EYS: variants seen among roughly 807,000 people sequenced by gnomAD.
EYS encodes EGF-like photoreceptor maintenance factor, also known as protein eyes shut homolog.
A neutral mutation model predicts 282.1 loss-of-function variants in EYS; 250 were observed. That is an observed-to-expected ratio of 0.89 (90% confidence interval 0.80 to 0.98). The LOEUF (loss-of-function observed/expected upper bound fraction) is 0.98. EYS is among the 50% of genes least tolerant of loss of function. The pLI is 0.00. For missense variants in EYS, 4,016 were observed against 3,709.0 expected, an observed-to-expected ratio of 1.08 and a Z score of -2.15; for synonymous variants, 1,355 against 1,282.9, an observed-to-expected ratio of 1.06 and a Z score of -1.20.
intron 29 of EYS, among the ~76,000 whole-genome samples, chr6:64,324,109 G>C (rs145501495): frequency 6.6e-6 from 1 of 151,956 alleles, no homozygotes; most frequent in African/African-American, 2.4e-5. Context: ...AGAGCCTTTG[G>C]GACTCCTCCC....
chr6:65,365,431 C>G (rs1337189732), intron 8 of EYS, among the ~76,000 whole-genome samples: 1 of 151,546 alleles, frequency 6.6e-6, no homozygotes, highest in Non-Finnish European at 1.5e-5. Context: ...CTGTATCTCC[C>G]CCTGTGTGAG....
At chr6:64,296,123 T>G (rs2150369092) in intron 30 of EYS, among the ~76,000 whole-genome samples, 1 of 152,278 alleles carries the variant, frequency 6.6e-6, no homozygotes, top group Non-Finnish European at 1.5e-5. Context: ...CTTTAACAAT[T>G]TATTAGTTAT....
intron 11 of EYS, chr6:65,332,258 T>A (rs1215554423): frequency 4.6e-6 from 3 of 653,406 alleles, no homozygotes; most frequent in South Asian, 3.6e-5. Flanking sequence ...ATCATGCATT[T>A]TCTTCTTTAT....
chr6:65,484,450 A>T (rs771509555), intron 5 of EYS, among the ~76,000 whole-genome samples: 1 of 152,224 alleles, frequency 6.6e-6, no homozygotes, highest in Non-Finnish European at 1.5e-5. Context: ...ACATGAGGAT[A>T]ATATGGTAAT....
chr6:63,799,640 T>A (rs971768818), intron 37 of EYS, among the ~76,000 whole-genome samples: 3 of 152,186 alleles, frequency 2.0e-5, no homozygotes, highest in Non-Finnish European at 1.5e-5. Flanking sequence ...ATTAATCTTG[T>A]TGAGGGACAA....
chr6:64,680,216 A>G (rs1769851476), intron 22 of EYS, among the ~76,000 whole-genome samples: 1 of 152,202 alleles, frequency 6.6e-6, no homozygotes, highest in South Asian at 2.1e-4. Flanking sequence ...ATGGGAACAG[A>G]CTGCCTTAGT....
At chr6:65,544,435 G>A (rs1351399562) in intron 2 of EYS, among the ~76,000 whole-genome samples, 3 of 152,062 alleles carry the variant, frequency 2.0e-5, no homozygotes, top group Non-Finnish European at 4.4e-5. Flanking sequence ...TTCATTTGTA[G>A]TTCCAGTTTC....
At chr6:64,882,467 G>A (rs980435394) in intron 19 of EYS, among the ~76,000 whole-genome samples, 2 of 151,678 alleles carry the variant, frequency 1.3e-5, no homozygotes, top group African/African-American at 4.8e-5. Context: ...CCTGTTTAAT[G>A]TAGCTCCTGC....
intron 21 of EYS, among the ~76,000 whole-genome samples, chr6:64,818,469 G>T (rs1445201131): frequency 6.6e-6 from 1 of 152,150 alleles, no homozygotes; most frequent in Non-Finnish European, 1.5e-5. Flanking sequence ...ACTATCACAA[G>T]GTGAAGTCCT....
At chr6:64,810,211 C>T (rs1317678819) in intron 22 of EYS, among the ~76,000 whole-genome samples, 1 of 151,862 alleles carries the variant, frequency 6.6e-6, no homozygotes, top group Non-Finnish European at 1.5e-5. Flanking sequence ...ACTTAAAACT[C>T]CAGAAATAAA....
chr6:64,119,259 A>G (rs1387407714), intron 31 of EYS, among the ~76,000 whole-genome samples: 1 of 152,146 alleles, frequency 6.6e-6, no homozygotes, highest in East Asian at 1.9e-4. Context: ...TAACCATTTT[A>G]TTGAGTATTT....
At chr6:63,936,836 C>T (rs1340038141) in intron 35 of EYS, among the ~76,000 whole-genome samples, 2 of 152,162 alleles carry the variant, frequency 1.3e-5, no homozygotes, top group Admixed American at 6.5e-5. Context: ...TATCTTTCTG[C>T]GTGTCACCAG....
chr6:64,143,331 T>A (rs1028338618), intron 31 of EYS, among the ~76,000 whole-genome samples: 4 of 136,632 alleles, frequency 2.9e-5, no homozygotes, highest in Non-Finnish European at 4.5e-5. Flanking sequence ...TGGGTGATGA[T>A]GTGTAAATGC....
intron 5 of EYS, among the ~76,000 whole-genome samples, chr6:65,410,955 T>G (rs1766991701): frequency 6.6e-6 from 1 of 152,032 alleles, no homozygotes; most frequent in Admixed American, 6.6e-5. Flanking sequence ...TATTTTCATT[T>G]TATTTTATTT....
chr6:63,980,017 TA>T (rs1767015108), intron 35 of EYS, among the ~76,000 whole-genome samples: 1 of 151,868 alleles, frequency 6.6e-6, no homozygotes, highest in Admixed American at 6.6e-5. Flanking sequence ...TTTACAGCAG[TA>T]AATTAGATCA....
chr6:64,358,659 G>A (rs1771910618), intron 29 of EYS, among the ~76,000 whole-genome samples: 3 of 151,548 alleles, frequency 2.0e-5, no homozygotes. Flanking sequence ...CAAGTCACAC[G>A]GTTTATGGCG....
At chr6:63,741,481 G>C (rs1266546361) in intron 41 of EYS, among the ~76,000 whole-genome samples, 2 of 152,206 alleles carry the variant, frequency 1.3e-5, no homozygotes. Context: ...ATCAAAGGAA[G>C]ATGTTTTTAA....
Position 64,707,344 on chromosome 6 carries a change from G to A in EYS, c.3444-81099C>T, listed in dbSNP as rs530739830. ...TACAATGGACTTTGGGAACTTGGGG[G>A]AAAGGGAGGCAATAGGGTGAGGGAT... is the stretch of plus-strand genomic sequence containing the variant. On this transcript the variant is annotated intron_variant, in intron 22 of 42. Coordinates refer to ENST00000503581, the MANE Select transcript of EYS (RefSeq NM_001142800.2). 1.1e-3 allele frequency among the ~76,000 whole-genome samples: 175 copies of A among 152,194 alleles called. 1 individual carries two copies. The highest frequency in any genetic ancestry group is 2.1e-3 in the Non-Finnish European group (145 of 67,986).
At chr6:64,935,598 G>C (rs1438819314) in intron 15 of EYS, among the ~76,000 whole-genome samples, 1 of 151,432 alleles carries the variant, frequency 6.6e-6, no homozygotes, top group African/African-American at 2.4e-5. Flanking sequence ...AGAAGACCCA[G>C]ATTACAAGAA....
Sources: gnomAD v4.1 joint callset for allele counts (sites outside exome capture counted in the v4.1 genomes callset) on GRCh38, gnomAD v4.1.1 for gene constraint, MANE v1.5 for transcripts, NCBI Gene and HGNC (gene_info 2026-07-23, HGNC 2026-07-21) for gene names.